The following COG8 variants were observed in gnomAD, a reference collection of about 807,000 sequenced individuals.
The protein encoded by COG8 is component of oligomeric golgi complex 8.
COG8 carries 45 observed loss-of-function variants against 46.5 expected under a neutral mutation model. That is an observed-to-expected ratio of 0.97 (90% CI 0.76 to 1.24). The LOEUF is 1.24. Ranked by LOEUF, COG8 falls within the 50% of genes most tolerant of loss-of-function variation. The pLI is 0.00. For missense variants in COG8, 793 were observed against 820.8 expected (o/e 0.97, Z 0.41); for synonymous variants, 407 against 347.8 (o/e 1.17, Z -1.90).
Position 69,339,531 on chromosome 16 carries a change from G to C in COG8, c.22C>G (p.Pro8Ala). 6.2e-7 allele frequency: 1 copy of C among 1,608,586 alleles called. No homozygotes were observed. The highest frequency in any genetic ancestry group is 8.5e-7 in the Non-Finnish European group (1 of 1,179,926). MATAATI[P>A]SVATATAAAL... The stretch of plus-strand genomic sequence containing the variant: ...GCTGCTGTGGCCGTGGCTACCGATG[G>C]GATAGTCGCCGCGGTCGCCATCTTC... The change falls in exon 1 of 6, where the codon CCA (proline) becomes GCA (alanine). Residue 8 changes from proline to alanine, a missense_variant. By Grantham distance (27) the Pro-to-Ala change is conservative. Coordinates refer to ENST00000306875, the MANE Select transcript of COG8 (RefSeq NM_032382.5).
In COG8 at chr16:69,334,881, G is replaced by A. The variant is rs779041298; in HGVS notation, c.1053C>T (p.Tyr351=). The A allele has an allele frequency of 1.9e-6, 3 of 1,614,188 alleles. No homozygotes were observed. The highest frequency in any genetic ancestry group is 4.5e-5 in the East Asian group (2 of 44,880). The change falls in exon 3 of 6, where the codon TAC becomes TAT. Residue 351 remains tyrosine, a synonymous_variant. Coordinates refer to ENST00000306875, the MANE Select transcript of COG8 (RefSeq NM_032382.5). ...HLDSLLGQCM[Y]FGLSFSRVGA... ...CCACCCGGCTGAAGGACAGCCCAAA[G>A]TACATGCACTGGCCCAGCAGAGAGT...
chr16:69,331,792 C>T (rs1003190784), intron 4 of COG8, among the ~76,000 whole-genome samples: 3 of 152,114 alleles, frequency 2.0e-5, no homozygotes, highest in Non-Finnish European at 2.9e-5. Context: ...TGAGCCACTG[C>T]GCCCAGCCAT....
At chr16:69,338,518 A>G (rs1186769616) in intron 1 of COG8, 1 of 152,554 alleles carries the variant, frequency 6.6e-6, no homozygotes, top group Non-Finnish European at 1.5e-5. Flanking sequence ...GCTCACACCT[A>G]TAATGTTAAC....
In COG8 at chr16:69,329,573, A is replaced by G. The variant is rs1157476173; in HGVS notation, c.*27-394T>C. On this transcript the variant is annotated intron_variant, in intron 5 of 5. Coordinates refer to ENST00000306875, the MANE Select transcript of COG8 (RefSeq NM_032382.5). ...CCGACGGGCTTGCTGTGCAGGAACA[A>G]TCACCCCGACCCCAGCAGAGCCCGC... Among the ~76,000 whole-genome samples the G allele has an allele frequency of 2.0e-5, 3 of 152,182 alleles. No homozygotes were observed. In the East Asian group the frequency reaches 5.8e-4, roughly 29 times the overall value.
In COG8 at chr16:69,328,700, G is replaced by A. The variant is rs886052248; in HGVS notation, c.*506C>T. ...TACATTATTACCAAACCTTGGCTTT[G>A]GGAGATTATACAGGTCCGAGGAACT... On this transcript the variant is annotated 3_prime_UTR_variant, in exon 6 of 6. Transcript: ENST00000306875. The A allele has an allele frequency of 1.1e-5, 3 of 275,110 alleles. No homozygotes were observed. The highest frequency in any genetic ancestry group is 2.3e-5 in the African/African-American group (1 of 43,970). The allele number at this position is 275,110 out of a possible 1,614,324, so 17.0% of individuals were successfully genotyped here. A position where few individuals can be genotyped will look rare whatever the true frequency, so the allele number is the denominator to read the frequency against.
At chr16:69,336,353 T>A (rs974921877) in intron 2 of COG8, 152 bp downstream of exon 2, 1 of 687,980 alleles carries the variant, frequency 1.5e-6, no homozygotes, top group East Asian at 2.7e-5. Context: ...AATATGTATT[T>A]TGAATAAATG....
At position 69,335,253 on chromosome 16, in the gene COG8, A is replaced by G; in HGVS notation, c.681T>C (p.Arg227=). 6.2e-7 allele frequency: 1 copy of G among 1,613,960 alleles called. No individual in the cohort carries two copies. The highest frequency in any genetic ancestry group is 2.2e-5 in the East Asian group (1 of 44,880). ...RTNIQLPACL[R]VIGYLRRMDV... is the part of the protein sequence containing the mutation. ...CCATGCGCCGCAGGTAGCCAATGAC[A>G]CGGAGGCAGGCAGGAAGCTGGATGT... Residue 227 remains arginine (R), a synonymous_variant, in exon 3 of 6, where the codon CGT becomes CGC. Transcript: ENST00000306875.
chr16:69,329,916 C>T (rs1965732719), intron 5 of COG8: 1 of 1,413,978 alleles, frequency 7.1e-7, no homozygotes, highest in Non-Finnish European at 9.2e-7. Flanking sequence ...GTATGAACCG[C>T]GACCACTTCT....
rs528413048 is a variant in COG8, at chr16:69,330,319, C to T, written c.*26+494G>A. The T allele has an allele frequency of 2.1e-5, 30 of 1,443,428 alleles. 1 individual carries two copies. Among genetic ancestry groups the T allele is most frequent in the African/African-American group, 7.4e-5 (5 of 67,282 alleles). The allele number at this position is 1,443,428 out of a possible 1,614,324, so 89.4% of individuals were successfully genotyped here. ...GCAGCTCGGGCCCGCCTAGCTGCGC[C>T]CGCTCCACCGGGGCCGCCACGCCGC... is the stretch of plus-strand genomic sequence containing the variant. On this transcript the variant is annotated intron_variant, in intron 5 of 5. Coordinates refer to ENST00000306875, the MANE Select transcript of COG8 (RefSeq NM_032382.5).
rs947432592 is a variant in COG8, at chr16:69,334,717, A to C, written c.1217T>G (p.Leu406Arg). Residue 406 changes from leucine to arginine, a missense_variant, in exon 3 of 6, where the codon CTG becomes CGG. By Grantham distance (102) the Leu-to-Arg change is moderately radical. Transcript: ENST00000306875. ...AGCAGCAGGCATGTTACTGGTGCCC[A>C]GGATGGCTGGAGCCGAGATGAGCAT... Reference protein sequence around the residue: ...SYMLISAPAILGTSNMPAAVP... With the variant: ...SYMLISAPAIRGTSNMPAAVP... The C allele has an allele frequency of 3.7e-6, 6 of 1,614,092 alleles. No homozygotes were observed. The highest frequency in any genetic ancestry group is 1.3e-5 in the African/African-American group (1 of 74,954).
Position 69,335,119 on chromosome 16 carries a change from G to C in COG8, c.815C>G (p.Thr272Arg). The C allele has an allele frequency of 6.2e-7, 1 of 1,614,196 alleles. No homozygotes were observed. The highest frequency in any genetic ancestry group is 8.5e-7 in the Non-Finnish European group (1 of 1,180,042). ...IPNDDPYFHI[T>R]KTIEASRVHL... ...GACACGGGAGGCCTCGATGGTTTTTGTAATATGGAAATAGGGATCATCATT... is the reference window on the plus strand; with the variant it reads ...GACACGGGAGGCCTCGATGGTTTTTCTAATATGGAAATAGGGATCATCATT... The change falls in exon 3 of 6, where the codon ACA (threonine) becomes AGA (arginine). Residue 272 changes from threonine to arginine, a missense_variant. Transcript: ENST00000306875.
intron 4 of COG8, chr16:69,332,506 T>C (rs571074200): frequency 4.6e-4 from 291 of 634,078 alleles, no homozygotes; most frequent in Non-Finnish European, 7.4e-4. Context: ...GAGGCAAATC[T>C]ATGGCAACAG....
intron 1 of COG8, among the ~76,000 whole-genome samples, chr16:69,337,433 A>G (rs1270103083): frequency 6.6e-6 from 1 of 152,268 alleles, no homozygotes; most frequent in Non-Finnish European, 1.5e-5. Flanking sequence ...AATATTTAAC[A>G]GTAGCTATCA....
chr16:69,331,697 T>TA (rs2011860101), intron 4 of COG8, among the ~76,000 whole-genome samples: 4 of 151,916 alleles, frequency 2.6e-5, no homozygotes, highest in Non-Finnish European at 1.5e-5. Flanking sequence ...GAGACGGAGT[T>TA]ACTATGTTGG....
intron 3 of COG8, among the ~76,000 whole-genome samples, chr16:69,333,662 T>A (rs1427255212): frequency 6.6e-6 from 1 of 152,148 alleles, no homozygotes; most frequent in African/African-American, 2.4e-5. Flanking sequence ...ACTACAGATA[T>A]GTGGCATAGC....
intron 5 of COG8, chr16:69,330,431 G>C: frequency 6.8e-7 from 1 of 1,475,956 alleles, no homozygotes; most frequent in South Asian, 1.3e-5. Flanking sequence ...GCGCCAATAG[G>C]AGCGCCGCAG....
At position 69,336,543 on chromosome 16, in the gene COG8, G is replaced by A. The variant is rs201289118; in HGVS notation, c.547C>T (p.Arg183Ter). The A allele has an allele frequency of 1.4e-5, 23 of 1,614,000 alleles. No individual in the cohort carries two copies. Among genetic ancestry groups the A allele is most frequent in the Admixed American group, 1.7e-5 (1 of 60,002 alleles). ...ATGGAAGAGTATTTCCTCTCCAGTC[G>A]GCGTACGTAGGCTGCAAGCTCCAGG... ...EALELAAYVR[R>*]LERKYSSIPV... Residue 183 changes from arginine to a stop codon, truncating the protein, a stop_gained, in exon 2 of 6, where the codon CGA becomes TGA. Coordinates refer to ENST00000306875, the MANE Select transcript of COG8 (RefSeq NM_032382.5). LOFTEE classifies it high-confidence loss of function.
At chr16:69,330,468 C>A in intron 5 of COG8, 1 of 1,471,216 alleles carries the variant, frequency 6.8e-7, no homozygotes, top group Non-Finnish European at 8.9e-7. Context: ...CCGTCCGGGG[C>A]GGCCGTGGAG....
At chr16:69,331,453 C>CAAAAAAA (rs1185929938) in intron 4 of COG8, among the ~76,000 whole-genome samples, 2 of 61,246 alleles carry the variant, frequency 3.3e-5, no homozygotes, top group Non-Finnish European at 3.0e-5. Context: ...AACTCCGTCT[C>CAAAAAAA]AAAAAAAAAA....
Sources: allele counts gnomAD v4.1 joint callset (sites outside exome capture counted in the v4.1 genomes callset), GRCh38; gene constraint gnomAD v4.1.1; transcripts MANE v1.5; gene names NCBI Gene and HGNC (gene_info 2026-07-23, HGNC 2026-07-21).